ZFP36L2: variants seen among roughly 807,000 people sequenced by gnomAD.
ZFP36L2 encodes ZFP36 like 2 zinc finger CCCH-type.
ZFP36L2 carries 16 observed loss-of-function variants against 27.9 expected under a neutral mutation model. That is an observed-to-expected ratio of 0.57 (90% CI 0.39 to 0.87). ZFP36L2 has a LOEUF of 0.87. Ranked by LOEUF, ZFP36L2 falls within the 40% of genes least tolerant of loss-of-function variation. The pLI is 0.00. For synonymous variants in ZFP36L2, 600 were observed against 363.8 expected (o/e 1.65, Z -7.39); for missense variants, 989 against 726.9 (o/e 1.36, Z -4.15).
chr2:43,222,598 T>A lies in ZFP36L2; in HGVS notation c.*1721A>T, dbSNP rs1666993196. ...ATATAGTGCTCCAACTGTACCTACG[T>A]ACAAACTAAAGCTACCGCTCATTCA... is the stretch of plus-strand genomic sequence containing the variant. On this transcript the variant is annotated 3_prime_UTR_variant, in exon 2 of 2. Coordinates refer to ENST00000282388, the MANE Select transcript of ZFP36L2 (RefSeq NM_006887.5). 6.6e-6 allele frequency: 1 copy of A among 152,366 alleles called. No individual in the cohort carries two copies. Among genetic ancestry groups the A allele is most frequent in the African/African-American group, 2.4e-5 (1 of 41,462 alleles). The allele number at this position is 152,366 out of a possible 1,614,324, so 9.4% of individuals were successfully genotyped here. A position where few individuals can be genotyped will look rare whatever the true frequency, so the allele number is the denominator to read the frequency against.
intron 1 of ZFP36L2, 102 bp from the exon 2 acceptor site, chr2:43,225,854 T>G (rs572465367): frequency 3.9e-4 from 503 of 1,278,174 alleles, no homozygotes; most frequent in Non-Finnish European, 5.1e-4. Context: ...TTTCCTTTTT[T>G]TCCCCCACTC....
chr2:43,224,466 G>A lies in ZFP36L2; in HGVS notation c.1338C>T (p.Pro446=). 1.3e-6 allele frequency: 2 copies of A among 1,512,422 alleles called. No homozygotes were observed. The highest frequency in any genetic ancestry group is 2.4e-5 in the South Asian group (2 of 82,662). The allele number at this position is 1,512,422 out of a possible 1,614,324, so 93.7% of individuals were successfully genotyped here. Residue 446 remains proline (P), a synonymous_variant, in exon 2 of 2, where the codon CCC becomes CCT. Transcript: ENST00000282388. ...RLSDSPVFDA[P]PSPPDSLSDR... ...CCGACAGCGAGTCCGGGGGGCTGGG[G>A]GGCGCGTCGAACACGGGCGAGTCGG...
rs200327666 is a variant in ZFP36L2, at chr2:43,224,932, G to A, written c.872C>T (p.Pro291Leu). ...GCAGGACGAGGCCGAAGAGCAGGAG[G>A]GCGGCGGCGGCGTGCGCGACGTGGG... ...DSPTSRTPPPPSCSSASSCSS... is the reference protein window; with the variant it reads ...DSPTSRTPPPLSCSSASSCSS... Residue 291 changes from proline (P) to leucine (L), a missense_variant, in exon 2 of 2, where the codon CCC becomes CTC. Physicochemically the swap from Pro to Leu is moderately conservative, Grantham distance 98. Transcript: ENST00000282388. 104 of 1,550,066 alleles carry A rather than the reference G, an allele frequency of 6.7e-5. No individual in the cohort carries two copies. The African/African-American group carries it at 1.1e-3, about 16-fold the overall frequency.
In ZFP36L2 at chr2:43,226,377, G is replaced by A; in HGVS notation, c.-62C>T. 1 of 1,547,138 alleles carries A rather than the reference G, an allele frequency of 6.5e-7. No homozygotes were observed. The highest frequency in any genetic ancestry group is 8.7e-7 in the Non-Finnish European group (1 of 1,143,068). On this transcript the variant is annotated 5_prime_UTR_variant, in exon 1 of 2. Coordinates refer to ENST00000282388, the MANE Select transcript of ZFP36L2 (RefSeq NM_006887.5). ...GGAGGTCGGGAGGAGCCCTTGGGGCGGCGTGGCCGGGCTTGAGCCACGACG... is the reference window on the plus strand; with the variant it reads ...GGAGGTCGGGAGGAGCCCTTGGGGCAGCGTGGCCGGGCTTGAGCCACGACG...
Position 43,224,261 on chromosome 2 carries a change from G to GGTGTC in ZFP36L2, c.*53_*57dup. The stretch of plus-strand genomic sequence containing the variant: ...CCCCAGCAAGGGCGAGATGGCGAGG[G>GGTGTC]GTGTCCTCCAACATCTCTGAACCGC... On this transcript the variant is annotated 3_prime_UTR_variant, in exon 2 of 2. Coordinates refer to ENST00000282388, the MANE Select transcript of ZFP36L2 (RefSeq NM_006887.5). The GGTGTC allele has an allele frequency of 6.9e-7, 1 of 1,455,994 alleles. No individual in the cohort carries two copies. Among genetic ancestry groups the GGTGTC allele is most frequent in the Non-Finnish European group, 9.1e-7 (1 of 1,102,900 alleles). 90.2% of individuals were successfully genotyped at this position (1,455,994 alleles called of 1,614,324 possible).
At position 43,225,760 on chromosome 2, in the gene ZFP36L2, A is replaced by T; in HGVS notation, c.52-8T>A. 1.3e-6 allele frequency: 2 copies of T among 1,584,698 alleles called. No individual in the cohort carries two copies. The highest frequency in any genetic ancestry group is 2.2e-5 in the South Asian group (2 of 90,194). On this transcript the variant is annotated splice_region_variant and splice_polypyrimidine_tract_variant and intron_variant, in intron 1 of 1. Coordinates refer to ENST00000282388, the MANE Select transcript of ZFP36L2 (RefSeq NM_006887.5). ...GGCCAGGGATTTCTCTGTCTGCCAA[A>T]GGGAGGGGAGCGGGGAAGGGATGAA...
At chr2:43,225,853 T>C in intron 1 of ZFP36L2, 101 bp from the exon 2 acceptor site, 1 of 1,280,526 alleles carries the variant, frequency 7.8e-7, no homozygotes. Flanking sequence ...TTTTCCTTTT[T>C]TTCCCCCACT....
chr2:43,224,956 G>A lies in ZFP36L2; in HGVS notation c.848C>T (p.Pro283Leu), dbSNP rs765138608. Reference protein sequence around the residue: ...GLESPLLLDSPTSRTPPPPSC... With the variant: ...GLESPLLLDSLTSRTPPPPSC... ...GGGCGGCGGCGGCGTGCGCGACGTG[G>A]GGCTGTCGAGCAGCAGCGGCGACTC... is the stretch of plus-strand genomic sequence containing the variant. The change falls in exon 2 of 2, where the codon CCC becomes CTC. Residue 283 changes from proline to leucine, a missense_variant. Coordinates refer to ENST00000282388, the MANE Select transcript of ZFP36L2 (RefSeq NM_006887.5). 11 of 1,570,754 alleles carry A rather than the reference G, an allele frequency of 7.0e-6. No individual in the cohort carries two copies. The highest frequency in any genetic ancestry group is 1.9e-5 in the Admixed American group (1 of 53,320).
chr2:43,225,537 G>A lies in ZFP36L2; in HGVS notation c.267C>T (p.Ser89=), dbSNP rs1667075413. 4 of 1,581,094 alleles carry A rather than the reference G, an allele frequency of 2.5e-6. No individual in the cohort carries two copies. The highest frequency in any genetic ancestry group is 1.8e-5 in the Admixed American group (1 of 56,072). Residue 89 remains serine (S), a synonymous_variant, in exon 2 of 2, where the codon AGC becomes AGT. Transcript: ENST00000282388. ...AGGAGGTCGGACCGCCGGCCGCCGCGCTGCCGCAGCTGCTGCCGTTAGCGG... is the reference window on the plus strand; with the variant it reads ...AGGAGGTCGGACCGCCGGCCGCCGCACTGCCGCAGCTGCTGCCGTTAGCGG... ...PGAANGSSCG[S]AAAGGPTSYG...
At position 43,224,767 on chromosome 2, in the gene ZFP36L2, G is replaced by T; in HGVS notation, c.1037C>A (p.Pro346Gln). 6.7e-7 allele frequency: 1 copy of T among 1,483,120 alleles called. No individual in the cohort carries two copies. The highest frequency in any genetic ancestry group is 1.3e-5 in the South Asian group (1 of 78,344). The allele number at this position is 1,483,120 out of a possible 1,614,324, so 91.9% of individuals were successfully genotyped here. A position where few individuals can be genotyped will look rare whatever the true frequency, so the allele number is the denominator to read the frequency against. The change falls in exon 2 of 2, where the codon CCG becomes CAG. Residue 346 changes from proline (P) to glutamine (Q), a missense_variant. Physicochemically the swap from Pro to Gln is moderately conservative, Grantham distance 76. Transcript: ENST00000282388. ...GTGGAEDLLA[P>Q]GAPCAACSSA... ...CGAGCAGGCCGCGCACGGGGCCCCC[G>T]GCGCCAGCAGGTCCTCGGCGCCCCC...
chr2:43,225,790 G>T (rs1013054714), intron 1 of ZFP36L2, 38 bp from the exon 2 acceptor site: 3 of 1,557,622 alleles, frequency 1.9e-6, no homozygotes, highest in African/African-American at 1.4e-5. Flanking sequence ...GATGAAAAAC[G>T]GAAGGGGAAG....
chr2:43,225,824 G>T, intron 1 of ZFP36L2, 72 bp from the exon 2 acceptor site: 1 of 1,447,360 alleles, frequency 6.9e-7, no homozygotes, highest in Non-Finnish European at 9.3e-7. Flanking sequence ...GAGCCGCAGA[G>T]GAACTCCCAG....
chr2:43,226,592 G>C lies in ZFP36L2; in HGVS notation c.-277C>G. 2.1e-6 allele frequency: 1 copy of C among 476,776 alleles called. No homozygotes were observed. The highest frequency in any genetic ancestry group is 3.7e-6 in the Non-Finnish European group (1 of 270,994). The allele number at this position is 476,776 out of a possible 1,614,324, so 29.5% of individuals were successfully genotyped here. A position where few individuals can be genotyped will look rare whatever the true frequency, so the allele number is the denominator to read the frequency against. ...CCCCGCGGAGCCGACGGCAGCTCGCGGACTGCTGGAACTCGGCGGCCTCCG... is the reference window on the plus strand; with the variant it reads ...CCCCGCGGAGCCGACGGCAGCTCGCCGACTGCTGGAACTCGGCGGCCTCCG... On this transcript the variant is annotated 5_prime_UTR_variant, in exon 1 of 2. Transcript: ENST00000282388.
Position 43,224,761 on chromosome 2 carries a change from G to C in ZFP36L2, c.1043C>G (p.Ala348Gly). 3 of 1,490,678 alleles carry C rather than the reference G, an allele frequency of 2.0e-6. No homozygotes were observed. The highest frequency in any genetic ancestry group is 2.7e-6 in the Non-Finnish European group (3 of 1,127,402). The allele number at this position is 1,490,678 out of a possible 1,614,324, so 92.3% of individuals were successfully genotyped here. A position where few individuals can be genotyped will look rare whatever the true frequency, so the allele number is the denominator to read the frequency against. ...GGAEDLLAPG[A>G]PCAACSSASC... is the part of the protein sequence containing the mutation. ...GGCCGACGAGCAGGCCGCGCACGGG[G>C]CCCCCGGCGCCAGCAGGTCCTCGGC... Residue 348 changes from alanine (A) to glycine (G), a missense_variant, in exon 2 of 2, where the codon GCC becomes GGC. Physicochemically the swap from Ala to Gly is moderately conservative, Grantham distance 60. Transcript: ENST00000282388.
At position 43,224,589 on chromosome 2, in the gene ZFP36L2, G is replaced by T; in HGVS notation, c.1215C>A (p.Pro405=). ...QQQQQQQGLA[P]PAQPPAPPSA... ...TGGGCGGCGCCGGCGGCTGCGCGGG[G>T]GGCGCCAGGCCCTGCTGCTGCTGCT... The change falls in exon 2 of 2, where the codon CCC becomes CCA. Residue 405 remains proline, a synonymous_variant. Coordinates refer to ENST00000282388, the MANE Select transcript of ZFP36L2 (RefSeq NM_006887.5). 1 of 1,349,028 alleles carries T rather than the reference G, an allele frequency of 7.4e-7. No homozygotes were observed. Among genetic ancestry groups the T allele is most frequent in the Non-Finnish European group, 9.5e-7 (1 of 1,055,106 alleles). The allele number at this position is 1,349,028 out of a possible 1,614,324, so 83.6% of individuals were successfully genotyped here.
rs1558429657 is a variant in ZFP36L2 at position 43,226,274 on chromosome 2, G to T, written c.42C>A (p.Phe14Leu). The T allele has an allele frequency of 6.3e-7, 1 of 1,585,848 alleles. No homozygotes were observed. The highest frequency in any genetic ancestry group is 8.6e-7 in the Non-Finnish European group (1 of 1,165,310). ...CCGCTCCCTGGCCTACCTTGCACAA[G>T]AAGTCGACATCGTAGAAGGCGGACA... ...TLLSAFYDVD[F>L]LCKTEKSLAN... The change falls in exon 1 of 2, where the codon TTC becomes TTA. Residue 14 changes from phenylalanine (F) to leucine (L), a missense_variant. Physicochemically the swap from Phe to Leu is conservative, Grantham distance 22. Transcript: ENST00000282388.
In ZFP36L2 at chr2:43,225,024, G is replaced by A. The variant is rs937354558; in HGVS notation, c.780C>T (p.Phe260=). 6.9e-6 allele frequency: 11 copies of A among 1,594,538 alleles called. No homozygotes were observed. In the Admixed American group the frequency reaches 1.0e-4, roughly 15 times the overall value. ...GATGGTGGCCCGACGGGAAGCCCGAGAAGCTGAGGCTGTGGTGCAACTTGG... is the reference window on the plus strand; with the variant it reads ...GATGGTGGCCCGACGGGAAGCCCGAAAAGCTGAGGCTGTGGTGCAACTTGG... The part of the protein sequence containing the change: ...PRPKLHHSLS[F]SGFPSGHHQP... Residue 260 remains phenylalanine (F), a synonymous_variant, in exon 2 of 2, where the codon TTC becomes TTT. Transcript: ENST00000282388.
At position 43,224,971 on chromosome 2, in the gene ZFP36L2, A is replaced by T. The variant is rs1423163686; in HGVS notation, c.833T>A (p.Leu278Gln). 1.3e-6 allele frequency: 2 copies of T among 1,578,572 alleles called. No homozygotes were observed. The highest frequency in any genetic ancestry group is 2.2e-5 in the South Asian group (2 of 88,932). ...HQPPGGLESP[L>Q]LLDSPTSRTP... ...GCGCGACGTGGGGCTGTCGAGCAGC[A>T]GCGGCGACTCGAGGCCGCCCGGGGG... The change falls in exon 2 of 2, where the codon CTG becomes CAG. Residue 278 changes from leucine to glutamine, a missense_variant. Transcript: ENST00000282388.
rs1289015272 is a variant in ZFP36L2 at position 43,225,022 on chromosome 2, G to A, written c.782C>T (p.Ser261Leu). Residue 261 changes from serine (S) to leucine (L), a missense_variant, in exon 2 of 2, where the codon TCG becomes TTG. Transcript: ENST00000282388. ...RPKLHHSLSF[S>L]GFPSGHHQPP... ...CTGATGGTGGCCCGACGGGAAGCCC[G>A]AGAAGCTGAGGCTGTGGTGCAACTT... 1 of 1,594,586 alleles carries A rather than the reference G, an allele frequency of 6.3e-7. No homozygotes were observed. Among genetic ancestry groups the A allele is most frequent in the Non-Finnish European group, 8.5e-7 (1 of 1,178,384 alleles).
Sources: allele counts gnomAD v4.1 joint callset, GRCh38; gene constraint gnomAD v4.1.1; transcripts MANE v1.5; gene names NCBI Gene and HGNC (gene_info 2026-07-23, HGNC 2026-07-21).